SLC24A2: variants seen among roughly 807,000 people sequenced by gnomAD.
SLC24A2 encodes sodium/potassium/calcium exchanger 2.
SLC24A2 carries 36 observed loss-of-function variants against 62.0 expected under a neutral mutation model. The ratio of observed to expected loss-of-function variants is 0.58; its 90% confidence interval spans 0.44 to 0.77. The LOEUF is 0.77. Among genes scored for constraint, SLC24A2 ranks in the 30% least tolerant of loss-of-function variants. SLC24A2 has a pLI of 0.00. For missense variants in SLC24A2, 846 were observed against 817.9 expected (o/e 1.03, Z -0.42); for synonymous variants, 358 against 294.0 (o/e 1.22, Z -2.23).
chr9:19,553,942 A>G (rs1164879681), intron 7 of SLC24A2, among the ~76,000 whole-genome samples: 1 of 152,054 alleles, frequency 6.6e-6, no homozygotes, highest in Non-Finnish European at 1.5e-5. Flanking sequence ...CCCTCCAATC[A>G]TGCCCCTTCC....
At chr9:20,001,996 T>A in the SLC24A2 span, among the ~76,000 whole-genome samples, 2 of 152,152 alleles carry the variant, frequency 1.3e-5, no homozygotes, top group African/African-American at 4.8e-5. Context: ...TTCTAAAATT[T>A]ATTTATTGAT....
At chr9:19,975,340 A>G in the SLC24A2 span, among the ~76,000 whole-genome samples, 1 of 152,194 alleles carries the variant, frequency 6.6e-6, no homozygotes, top group Non-Finnish European at 1.5e-5. Context: ...TGGCAATCTC[A>G]AAAAAATCCT....
the SLC24A2 span, among the ~76,000 whole-genome samples, chr9:19,957,228 TCAAAGCCAG>T: frequency 7.2e-5 from 11 of 152,132 alleles, no homozygotes; most frequent in Non-Finnish European, 1.3e-4. Context: ...CTCATGCTTC[TCAAAGCCAG>T]TTGTGTCTCT....
intron 2 of SLC24A2, among the ~76,000 whole-genome samples, chr9:19,765,950 T>C (rs1822502146): frequency 6.6e-6 from 1 of 152,168 alleles, no homozygotes; most frequent in Non-Finnish European, 1.5e-5. Context: ...TGTAGGTTTG[T>C]TTTTTTCACA....
intron 7 of SLC24A2, among the ~76,000 whole-genome samples, chr9:19,561,395 C>T (rs1322555678): frequency 6.6e-6 from 1 of 151,466 alleles, no homozygotes; most frequent in East Asian, 1.9e-4. Context: ...TCTGTGTGAA[C>T]ATCCTAAACC....
At chr9:20,255,871 G>A in the SLC24A2 span, among the ~76,000 whole-genome samples, 1 of 152,148 alleles carries the variant, frequency 6.6e-6, no homozygotes, top group Non-Finnish European at 1.5e-5. Flanking sequence ...GCCCAGCTCC[G>A]ATTGTTTATT....
At chr9:19,727,204 T>G (rs918458986) in intron 2 of SLC24A2, among the ~76,000 whole-genome samples, 1 of 152,190 alleles carries the variant, frequency 6.6e-6, no homozygotes, top group African/African-American at 2.4e-5. Context: ...TCAGTTTAAG[T>G]TGACATACAT....
the SLC24A2 span, among the ~76,000 whole-genome samples, chr9:19,860,240 A>G: frequency 6.6e-6 from 1 of 152,008 alleles, no homozygotes; most frequent in Non-Finnish European, 1.5e-5. Flanking sequence ...TTTATTTTAC[A>G]TCTTGGATAC....
At chr9:19,905,563 G>A in the SLC24A2 span, among the ~76,000 whole-genome samples, 9 of 151,836 alleles carry the variant, frequency 5.9e-5, no homozygotes, top group Admixed American at 2.6e-4. Flanking sequence ...ACAGGCATGC[G>A]CTACCACACC....
intron 6 of SLC24A2, among the ~76,000 whole-genome samples, chr9:19,575,276 A>T (rs980113312): frequency 6.6e-6 from 1 of 152,212 alleles, no homozygotes; most frequent in Non-Finnish European, 1.5e-5. Flanking sequence ...TTATTTAAAT[A>T]AAAAATCATG....
At chr9:19,561,311 A>ATG (rs1437326418) in intron 7 of SLC24A2, among the ~76,000 whole-genome samples, 2,674 of 150,682 alleles carry the variant, frequency 0.018, 15 homozygotes, top group African/African-American at 0.062. Flanking sequence ...CTTATCCATA[A>ATG]GATAAGTGAA....
chr9:19,874,243 C>A, the SLC24A2 span, among the ~76,000 whole-genome samples: 2 of 151,930 alleles, frequency 1.3e-5, no homozygotes, highest in Admixed American at 1.3e-4. Flanking sequence ...CCACACCCAG[C>A]TAATTTTTGT....
intron 4 of SLC24A2, among the ~76,000 whole-genome samples, chr9:19,601,556 C>T (rs527829953): frequency 1.1e-3 from 166 of 152,220 alleles, no homozygotes; most frequent in African/African-American, 3.6e-3. Context: ...ACGAACCCAC[C>T]GGAAAGAACC....
At chr9:19,695,349 G>A (rs1024780010) in intron 2 of SLC24A2, among the ~76,000 whole-genome samples, 1 of 151,948 alleles carries the variant, frequency 6.6e-6, no homozygotes, top group Non-Finnish European at 1.5e-5. Flanking sequence ...GCTCTTTTGG[G>A]CTTTGGAATA....
chr9:19,879,687 C>T, the SLC24A2 span, among the ~76,000 whole-genome samples: 4 of 152,102 alleles, frequency 2.6e-5, no homozygotes, highest in Non-Finnish European at 4.4e-5. Context: ...GAACTAAATG[C>T]TCTTGAGTCA....
At chr9:20,019,221 C>CAGAA in the SLC24A2 span, among the ~76,000 whole-genome samples, 155 of 91,028 alleles carry the variant, frequency 1.7e-3, 1 homozygote, top group East Asian at 0.012. Flanking sequence ...GAAAGAAAGA[C>CAGAA]AGAAAGAAAG....
At chr9:19,994,772 G>A in the SLC24A2 span, among the ~76,000 whole-genome samples, 1 of 152,124 alleles carries the variant, frequency 6.6e-6, no homozygotes, top group African/African-American at 2.4e-5. Context: ...ACTCTCTACA[G>A]CACCCTGAGC....
At chr9:19,560,912 TATATAG>T (rs1188220453) in intron 7 of SLC24A2, among the ~76,000 whole-genome samples, 997 of 50,098 alleles carry the variant, frequency 0.02, 4 homozygotes, top group East Asian at 0.057. Flanking sequence ...TATATATATA[TATATAG>T]AGAGAGAGAG....
chr9:19,517,918 C>G (rs1215944332), intron 10 of SLC24A2, among the ~76,000 whole-genome samples: 1 of 120,034 alleles, frequency 8.3e-6, no homozygotes. Flanking sequence ...AAAACACACA[C>G]ACACACACAC....
Sources: allele counts gnomAD v4.1 joint callset (sites outside exome capture counted in the v4.1 genomes callset), GRCh38; gene constraint gnomAD v4.1.1; transcripts MANE v1.5; gene names NCBI Gene and HGNC (gene_info 2026-07-23, HGNC 2026-07-21).